The following CCDC169 variants were observed in gnomAD, a reference collection of about 807,000 sequenced individuals.
CCDC169 encodes coiled-coil domain containing 169.
CCDC169 carries 30 observed loss-of-function variants against 36.0 expected under a neutral mutation model. That is an observed-to-expected ratio of 0.83 (90% CI 0.62 to 1.13). CCDC169 has a LOEUF of 1.13. CCDC169 is among the 50% of genes most tolerant of loss of function. The probability of loss-of-function intolerance (pLI) is 0.00; values close to 1 mark genes in which losing one functional copy is unlikely to be tolerated. For synonymous variants in CCDC169, 85 were observed against 81.5 expected (o/e 1.04, Z -0.23); for missense variants, 245 against 245.9 (o/e 1.00, Z 0.03).
At chr13:36,240,729 AT>A in intron 7 of CCDC169, 2 of 707,986 alleles carry the variant, frequency 2.8e-6, no homozygotes, top group Non-Finnish European at 4.1e-6. Flanking sequence ...TTAGTTTTCT[AT>A]TTTTAGGAAC....
intron 4 of CCDC169, among the ~76,000 whole-genome samples, chr13:36,276,334 T>C (rs1465495489): frequency 6.6e-6 from 1 of 152,178 alleles, no homozygotes; most frequent in African/African-American, 2.4e-5. Flanking sequence ...TCAACAAACA[T>C]TTATTAAAAT....
At chr13:36,271,189 T>A (rs575424270) in intron 4 of CCDC169, among the ~76,000 whole-genome samples, 14 of 152,112 alleles carry the variant, frequency 9.2e-5, no homozygotes, top group African/African-American at 3.1e-4. Flanking sequence ...CTCAGGGAAA[T>A]GTAAACTAAA....
At chr13:36,242,519 C>A (rs1205246540) in intron 7 of CCDC169, among the ~76,000 whole-genome samples, 1 of 151,928 alleles carries the variant, frequency 6.6e-6, no homozygotes, top group Non-Finnish European at 1.5e-5. Context: ...TTATATATAC[C>A]TAATTTGGAT....
chr13:36,295,513 T>C (rs1218832950), intron 2 of CCDC169, among the ~76,000 whole-genome samples: 7 of 152,292 alleles, frequency 4.6e-5, no homozygotes, highest in African/African-American at 1.7e-4. Flanking sequence ...AGAAATAATA[T>C]ATTGATGTCA....
chr13:36,294,754 T>A (rs933297285), intron 2 of CCDC169, among the ~76,000 whole-genome samples: 3 of 152,034 alleles, frequency 2.0e-5, no homozygotes, highest in African/African-American at 7.2e-5. Flanking sequence ...AGGGTTGAGA[T>A]TGATTGAGCA....
At chr13:36,277,100 T>C (rs1876921551) in intron 4 of CCDC169, among the ~76,000 whole-genome samples, 1 of 152,158 alleles carries the variant, frequency 6.6e-6, no homozygotes, top group Non-Finnish European at 1.5e-5. Context: ...AAAGGAAATG[T>C]GGTACATATA....
intron 4 of CCDC169, among the ~76,000 whole-genome samples, chr13:36,259,225 A>G (rs1241532663): frequency 6.6e-6 from 1 of 152,106 alleles, no homozygotes; most frequent in Non-Finnish European, 1.5e-5. Flanking sequence ...CCTGGCGATG[A>G]GCTGAGTCAA....
chr13:36,283,616 C>T lies in CCDC169; in HGVS notation c.250G>A (p.Glu84Lys). The T allele has an allele frequency of 6.4e-7, 1 of 1,551,184 alleles. No individual in the cohort carries two copies. Among genetic ancestry groups the T allele is most frequent in the Non-Finnish European group, 8.7e-7 (1 of 1,146,758 alleles). The change falls in exon 3 of 8, where the codon GAA (glutamate) becomes AAA (lysine). Residue 84 changes from glutamate (E) to lysine (K), a missense_variant. By Grantham distance (56) the Glu-to-Lys change is moderately conservative. Transcript: ENST00000239859. ...CCTGAAGAGTTTCCATGGATTTTTT[C>T]CACTTTCTCCTTGAGATAAACAATT... The part of the protein sequence containing the change: ...KQIVYLKEKV[E>K]KIHGNSSDRL...
chr13:36,274,035 G>A (rs1423292668), intron 4 of CCDC169, among the ~76,000 whole-genome samples: 2 of 152,092 alleles, frequency 1.3e-5, no homozygotes, highest in African/African-American at 4.8e-5. Context: ...AGAATTCCCA[G>A]AATAACCCAC....
At chr13:36,295,934 A>C (rs1879424216) in intron 1 of CCDC169, 77 bp from the exon 2 acceptor site, 1 of 775,966 alleles carries the variant, frequency 1.3e-6, no homozygotes, top group East Asian at 2.8e-5. Context: ...GTAACCCACT[A>C]CTACTTCAGG....
intron 7 of CCDC169, among the ~76,000 whole-genome samples, chr13:36,238,870 T>C (rs1871396827): frequency 6.6e-6 from 1 of 151,910 alleles, no homozygotes; most frequent in African/African-American, 2.4e-5. Flanking sequence ...TGAATTACAA[T>C]AGCAATATAA....
At chr13:36,268,960 C>G (rs1875685250) in intron 4 of CCDC169, among the ~76,000 whole-genome samples, 1 of 152,064 alleles carries the variant, frequency 6.6e-6, no homozygotes, top group African/African-American at 2.4e-5. Flanking sequence ...CAAAAATTAG[C>G]TGGGTGTGGT....
chr13:36,248,666 T>C lies in CCDC169; in HGVS notation c.485A>G (p.Gln162Arg). The change falls in exon 7 of 8, where the codon CAA (glutamine) becomes CGA (arginine). Residue 162 changes from glutamine (Q) to arginine (R), a missense_variant. By Grantham distance (43) the Gln-to-Arg change is conservative. Coordinates refer to ENST00000239859, the MANE Select transcript of CCDC169 (RefSeq NM_001144981.3). Reference sequence around the variant, plus strand: ...ATCCACCTGTTGCCTTTTAGAAACTTGATGTAAACCAGAACCCTGAAATAC... The same window carrying C: ...ATCCACCTGTTGCCTTTTAGAAACTCGATGTAAACCAGAACCCTGAAATAC... ...AEMSQGSGLHQVSKRQQVDQL... is the reference protein window; with the variant it reads ...AEMSQGSGLHRVSKRQQVDQL... 6.4e-7 allele frequency: 1 copy of C among 1,550,536 alleles called. No homozygotes were observed. Among genetic ancestry groups the C allele is most frequent in the Non-Finnish European group, 8.7e-7 (1 of 1,146,288 alleles).
At chr13:36,282,410 C>A in intron 4 of CCDC169, 1 of 985,336 alleles carries the variant, frequency 1.0e-6, no homozygotes, top group Non-Finnish European at 1.2e-6. Flanking sequence ...GATCCCAATG[C>A]TTTTTGCTTA....
intron 7 of CCDC169, among the ~76,000 whole-genome samples, chr13:36,241,574 T>C (rs1329265590): frequency 6.6e-6 from 1 of 152,188 alleles, no homozygotes; most frequent in Non-Finnish European, 1.5e-5. Context: ...TTATAGTTTG[T>C]TTTTATTGCT....
At chr13:36,253,008 A>G (rs7338680) in intron 6 of CCDC169, among the ~76,000 whole-genome samples, 61,500 of 151,936 alleles carry the variant, frequency 0.4, 13,201 homozygotes, top group Non-Finnish European at 0.48. Context: ...AGCTCTGACA[A>G]CCTCAAAACA....
downstream of CCDC169, among the ~76,000 whole-genome samples, chr13:36,230,538 G>A (rs888172594): frequency 1.3e-5 from 2 of 152,180 alleles, no homozygotes; most frequent in African/African-American, 4.8e-5. Flanking sequence ...TAAGTAAGTG[G>A]TAGGACCTTA....
At chr13:36,244,956 T>A (rs1872322091) in intron 7 of CCDC169, among the ~76,000 whole-genome samples, 1 of 152,162 alleles carries the variant, frequency 6.6e-6, no homozygotes, top group Non-Finnish European at 1.5e-5. Flanking sequence ...TGTATAAAGA[T>A]AATAAATAAT....
downstream of CCDC169, chr13:36,230,680 G>A (rs577146577): frequency 1.4e-5 from 11 of 776,640 alleles, no homozygotes; most frequent in South Asian, 5.8e-4. Context: ...TAAGTTCATG[G>A]CAGAGTGGAG....
Sources: allele counts gnomAD v4.1 joint callset (sites outside exome capture counted in the v4.1 genomes callset), GRCh38; gene constraint gnomAD v4.1.1; transcripts MANE v1.5; gene names NCBI Gene and HGNC (gene_info 2026-07-23, HGNC 2026-07-21).